The following ERMP1 variants were observed in gnomAD, a reference collection of about 807,000 sequenced individuals.
The protein encoded by ERMP1 is Felix-ina.
Under a neutral mutation model 92.0 loss-of-function variants are expected in ERMP1, and 86 were observed. The observed-to-expected ratio is 0.93, with a 90% confidence interval of 0.79 to 1.12. The LOEUF (loss-of-function observed/expected upper bound fraction) is 1.12, where lower values mean the gene tolerates loss of function less well. Ranked by LOEUF, ERMP1 falls within the 50% of genes most tolerant of loss-of-function variation. The pLI, the probability that ERMP1 is intolerant of heterozygous loss-of-function variation, is 0.00. For synonymous variants in ERMP1, 530 were observed against 412.8 expected (o/e 1.28, Z -3.44); for missense variants, 1,342 against 1,116.3 (o/e 1.20, Z -2.88).
chr9:5,799,042 A>G, intron 11 of ERMP1, 34 bp from the exon 12 acceptor site: 1 of 1,507,294 alleles, frequency 6.6e-7, no homozygotes, highest in Non-Finnish European at 9.2e-7. Flanking sequence ...AAACTGTTTC[A>G]ACTAGTACAC....
chr9:5,857,279 C>A (rs1563784542), intron 6 of ERMP1, among the ~76,000 whole-genome samples: 1 of 152,136 alleles, frequency 6.6e-6, no homozygotes, highest in Non-Finnish European at 1.5e-5. Flanking sequence ...GCCTTGGCCT[C>A]CCAAAGTGCT....
At chr9:5,833,182 A>T (rs1001143687), upstream of ERMP1, 7 of 685,832 alleles carry the variant, frequency 1.0e-5, no homozygotes, top group Non-Finnish European at 2.2e-6. Context: ...CCGCGCCAAG[A>T]CCCAGCTTCT....
intron 6 of ERMP1, among the ~76,000 whole-genome samples, chr9:5,842,434 C>CAAAAAAAAAAAAAAAAAAAA (rs57411750): frequency 3.7e-5 from 4 of 107,884 alleles, no homozygotes; most frequent in Non-Finnish European, 5.7e-5. Context: ...GAGACTGTCT[C>CAAAAAAAAAAAAAAAAAAAA]AAAAAAAAAA....
At chr9:5,847,779 C>T (rs1407666580) in intron 6 of ERMP1, among the ~76,000 whole-genome samples, 1 of 151,778 alleles carries the variant, frequency 6.6e-6, no homozygotes, top group Non-Finnish European at 1.5e-5. Context: ...CCTGTAGTCC[C>T]AGCTACTCGG....
In ERMP1 at chr9:5,805,030, A is replaced by C. The variant is rs1227085129; in HGVS notation, c.1911T>G (p.Tyr637Ter). 2 of 1,597,384 alleles carry C rather than the reference A, an allele frequency of 1.3e-6. No individual in the cohort carries two copies. The highest frequency in any genetic ancestry group is 1.7e-6 in the Non-Finnish European group (2 of 1,176,038). ...LAGCTMILSSYFINFIYLAKS... is the reference protein window; with the variant it reads ...LAGCTMILSS ...AAAAAAACTTATTTTCTCTTACAAA[A>C]TAGGACGAGAGAATCATTGTACAGC... Residue 637 changes from tyrosine to a stop codon, truncating the protein, a stop_gained, in exon 10 of 15, where the codon TAT (tyrosine) becomes TAG (stop). Coordinates refer to ENST00000339450, the MANE Select transcript of ERMP1 (RefSeq NM_024896.3). LOFTEE classifies it high-confidence loss of function.
Position 5,858,769 on chromosome 9 carries a change from C to T in ERMP1, n.3199+699G>A, listed in dbSNP as rs574193840. ...GTCAGAGAAATGTTCAACAACAATG[C>T]ACACACTCTCCCAGTTCAACGTCAA... On this transcript the variant is annotated intron_variant and non_coding_transcript_variant, in intron 6 of 6. Transcript: ENST00000690753. Among the ~76,000 whole-genome samples, 5 of 152,316 alleles carry T rather than the reference C, an allele frequency of 3.3e-5. No homozygotes were observed. The East Asian group carries it at 9.6e-4, about 29-fold the overall frequency.
At chr9:5,848,913 C>G (rs1830271925) in intron 6 of ERMP1, among the ~76,000 whole-genome samples, 1 of 152,188 alleles carries the variant, frequency 6.6e-6, no homozygotes, top group South Asian at 2.1e-4. Context: ...ACCTATGTGG[C>G]TTACTATGGT....
Position 5,832,986 on chromosome 9 carries a change from G to C in ERMP1, c.42C>G (p.Arg14=). 1.3e-6 allele frequency: 2 copies of C among 1,560,728 alleles called. No individual in the cohort carries two copies. Among genetic ancestry groups the C allele is most frequent in the Non-Finnish European group, 1.7e-6 (2 of 1,164,420 alleles). The change falls in exon 1 of 15, where the codon CGC becomes CGG. Residue 14 remains arginine, a synonymous_variant. Coordinates refer to ENST00000339450, the MANE Select transcript of ERMP1 (RefSeq NM_024896.3). ...CTCCCTCTCGACGCTCTACTCCGACGCGGTGCCGCCTCACAGCAGCCGACT... is the reference window on the plus strand; with the variant it reads ...CTCCCTCTCGACGCTCTACTCCGACCCGGTGCCGCCTCACAGCAGCCGACT... ...GSESAAVRRH[R]VGVERREGAA...
intron 6 of ERMP1, among the ~76,000 whole-genome samples, chr9:5,846,048 G>A (rs1168213909): frequency 6.6e-6 from 1 of 152,300 alleles, no homozygotes; most frequent in African/African-American, 2.4e-5. Flanking sequence ...TCTGGGTCTG[G>A]AGAGGTTGGG....
chr9:5,794,338 G>T (rs767391843), intron 13 of ERMP1, among the ~76,000 whole-genome samples: 7 of 151,908 alleles, frequency 4.6e-5, no homozygotes, highest in Non-Finnish European at 8.8e-5. Flanking sequence ...TAGAAAAGAT[G>T]ATTTAAAATC....
Position 5,811,194 on chromosome 9 carries a change from C to T in ERMP1, c.1244G>A (p.Arg415His), listed in dbSNP as rs749246662. The T allele has an allele frequency of 2.5e-5, 41 of 1,613,680 alleles. No homozygotes were observed. Among genetic ancestry groups the T allele is most frequent in the African/African-American group, 8.0e-5 (6 of 74,802 alleles). ...LGLFVIAYPS[R>H]IGSIINYMVV... is the part of the protein sequence containing the mutation. ...CATGTAGTTTATGATTGAGCCAATACGAGAGGGGTAGGCAATGACAAACAG... is the reference window on the plus strand; with the variant it reads ...CATGTAGTTTATGATTGAGCCAATATGAGAGGGGTAGGCAATGACAAACAG... The change falls in exon 7 of 15, where the codon CGT (arginine) becomes CAT (histidine). Residue 415 changes from arginine (R) to histidine (H), a missense_variant. Physicochemically the swap from Arg to His is conservative, Grantham distance 29 (BLOSUM62 0). Coordinates refer to ENST00000339450, the MANE Select transcript of ERMP1 (RefSeq NM_024896.3).
At chr9:5,802,809 CAG>C (rs1828721952) in intron 10 of ERMP1, among the ~76,000 whole-genome samples, 1 of 152,156 alleles carries the variant, frequency 6.6e-6, no homozygotes, top group African/African-American at 2.4e-5. Flanking sequence ...GGAGAAGACT[CAG>C]AAACAGCTCA....
intron 13 of ERMP1, among the ~76,000 whole-genome samples, chr9:5,793,247 C>A (rs1198640477): frequency 1.3e-5 from 2 of 150,360 alleles, no homozygotes; most frequent in African/African-American, 4.9e-5. Flanking sequence ...GTACTGCAAA[C>A]GACAGGGCAG....
chr9:5,813,149 A>C, intron 4 of ERMP1, 114 bp from the exon 5 acceptor site: 3 of 980,594 alleles, frequency 3.1e-6, no homozygotes, highest in Non-Finnish European at 4.6e-6. Context: ...AGACGGGTCC[A>C]ATATGTACCT....
At chr9:5,820,225 G>A (rs542584486) in intron 4 of ERMP1, among the ~76,000 whole-genome samples, 5 of 152,308 alleles carry the variant, frequency 3.3e-5, no homozygotes, top group African/African-American at 1.2e-4. Context: ...CTTGAACCCA[G>A]GAGGCAGAGG....
At chr9:5,836,794 G>A (rs578037491), upstream of ERMP1, among the ~76,000 whole-genome samples, 3 of 152,292 alleles carry the variant, frequency 2.0e-5, no homozygotes, top group East Asian at 5.8e-4. Flanking sequence ...GGAAACCTGG[G>A]GGCTGACAGT....
rs187566632 is a variant in ERMP1, at chr9:5,864,490, C to A, written n.3055+3312G>T. Among the ~76,000 whole-genome samples, 211 of 152,304 alleles carry A rather than the reference C, an allele frequency of 1.4e-3. 1 individual carries two copies. Among genetic ancestry groups the A allele is most frequent in the African/African-American group, 5.0e-3 (206 of 41,574 alleles). ...ATTAATAGCACTTTTGTTGAGCTAT[C>A]CTTCCCAGGCTATTTAACCTCACCC... is the stretch of plus-strand genomic sequence containing the variant. On this transcript the variant is annotated intron_variant and non_coding_transcript_variant, in intron 5 of 6. Transcript: ENST00000690753.
intron 4 of ERMP1, among the ~76,000 whole-genome samples, chr9:5,817,488 C>A (rs1444031134): frequency 6.6e-6 from 1 of 152,228 alleles, no homozygotes; most frequent in African/African-American, 2.4e-5. Flanking sequence ...CCACACCCGG[C>A]CAGAGCCTAT....
intron 13 of ERMP1, among the ~76,000 whole-genome samples, chr9:5,792,085 G>A (rs1828221276): frequency 6.6e-6 from 1 of 152,146 alleles, no homozygotes; most frequent in Non-Finnish European, 1.5e-5. Flanking sequence ...ACTCATACCA[G>A]AAGTAACAGT....
Sources: allele counts gnomAD v4.1 joint callset (sites outside exome capture counted in the v4.1 genomes callset), GRCh38; gene constraint gnomAD v4.1.1; transcripts MANE v1.5; gene names NCBI Gene and HGNC (gene_info 2026-07-23, HGNC 2026-07-21).